The following TRIM37 variants were observed in gnomAD, a reference collection of about 807,000 sequenced individuals.
TRIM37 encodes E3 ubiquitin-protein ligase TRIM37.
In TRIM37, 80 loss-of-function variants were observed where a neutral mutation model predicts 129.8. That is an observed-to-expected ratio of 0.62 (90% CI 0.51 to 0.74). The LOEUF is 0.74. TRIM37 is among the 30% of genes least tolerant of loss of function. TRIM37 has a pLI of 0.00. For missense variants in TRIM37, 1,054 were observed against 1,176.5 expected, an observed-to-expected ratio of 0.90 and a Z score of 1.52; for synonymous variants, 389 against 387.1, an observed-to-expected ratio of 1.00 and a Z score of -0.06.
Position 59,028,622 on chromosome 17 carries a change from CG to C in TRIM37, c.2049del (p.Glu684LysfsTer5). On this transcript the variant is annotated frameshift_variant, in exon 19 of 24. Coordinates refer to ENST00000262294, the MANE Select transcript of TRIM37 (RefSeq NM_015294.6). LOFTEE classifies it high-confidence loss of function. ...KMLKRLKTQM[A>X]EVRCMKTDVK... ...ACATCAGTTTTCATACATCGAACTT[CG>C]GCCATTTGAGTTTTGAGTCTTTTTA... The C allele has an allele frequency of 1.2e-6, 2 of 1,614,204 alleles. No homozygotes were observed. The highest frequency in any genetic ancestry group is 1.7e-6 in the Non-Finnish European group (2 of 1,180,038).
intron 17 of TRIM37, among the ~76,000 whole-genome samples, chr17:59,039,433 G>A (rs1275008310): frequency 4.0e-5 from 6 of 150,406 alleles, no homozygotes; most frequent in African/African-American, 9.8e-5. Flanking sequence ...TGCAAGCTCC[G>A]CCTCCCAGGT....
intron 8 of TRIM37, among the ~76,000 whole-genome samples, 180 bp from the exon 9 acceptor site, chr17:59,071,127 C>G (rs2042324309): frequency 6.6e-6 from 1 of 152,174 alleles, no homozygotes; most frequent in South Asian, 2.1e-4. Context: ...AATATTCTAA[C>G]AGTAAAGTCA....
chr17:59,083,998 T>A lies in TRIM37; in HGVS notation c.369+4A>T. 6.2e-7 allele frequency: 1 copy of A among 1,612,920 alleles called. No individual in the cohort carries two copies. The highest frequency in any genetic ancestry group is 8.5e-7 in the Non-Finnish European group (1 of 1,179,088). ...AAAAAAAATACTGAATTTGTTCTGC[T>A]CACCATTCCTCCCCAAAGTGCACAC... On this transcript the variant is annotated splice_donor_region_variant and intron_variant, in intron 5 of 23. Coordinates refer to ENST00000262294, the MANE Select transcript of TRIM37 (RefSeq NM_015294.6).
At chr17:59,067,426 G>A (rs1568153411) in intron 9 of TRIM37, among the ~76,000 whole-genome samples, 2 of 152,112 alleles carry the variant, frequency 1.3e-5, no homozygotes, top group African/African-American at 4.8e-5. Context: ...CAGGAATCTG[G>A]AAGTCACTGA....
intron 7 of TRIM37, among the ~76,000 whole-genome samples, chr17:59,076,112 G>A (rs181739562): frequency 8.5e-5 from 13 of 152,192 alleles, no homozygotes; most frequent in Admixed American, 7.2e-4. Context: ...GCTTAAAAGA[G>A]AATACAAAGT....
At chr17:58,989,896 T>A (rs1028393452) in intron 24 of TRIM37, among the ~76,000 whole-genome samples, 2 of 151,712 alleles carry the variant, frequency 1.3e-5, no homozygotes, top group African/African-American at 4.8e-5. Flanking sequence ...TCAGAGAACA[T>A]CAAGCAAAGC....
chr17:59,043,419 A>G lies in TRIM37; in HGVS notation c.1668-1521T>C, dbSNP rs142183763. Among the ~76,000 whole-genome samples, 225 of 152,332 alleles carry G rather than the reference A, an allele frequency of 1.5e-3. 7 individuals carry two copies. The East Asian group carries it at 0.038, about 26-fold the overall frequency. On this transcript the variant is annotated intron_variant, in intron 16 of 23. Coordinates refer to ENST00000262294, the MANE Select transcript of TRIM37 (RefSeq NM_015294.6). ...CTGGGTAAGACAAGTGGGCATCTGC[A>G]GTATTTGAACCAAGATCACTCCACT... is the stretch of plus-strand genomic sequence containing the variant.
At chr17:59,089,838 C>T (rs573265139) in intron 3 of TRIM37, among the ~76,000 whole-genome samples, 8 of 152,128 alleles carry the variant, frequency 5.3e-5, no homozygotes, top group South Asian at 2.1e-4. Flanking sequence ...CAGTGGTTCA[C>T]GCTGCAATCC....
intron 13 of TRIM37, among the ~76,000 whole-genome samples, chr17:59,053,577 G>A (rs1048389735): frequency 6.6e-6 from 1 of 152,080 alleles, no homozygotes; most frequent in Non-Finnish European, 1.5e-5. Context: ...AAAAAATGAT[G>A]TCATAACAGG....
At chr17:59,023,802 C>G (rs2036899647) in intron 19 of TRIM37, among the ~76,000 whole-genome samples, 1 of 152,024 alleles carries the variant, frequency 6.6e-6, no homozygotes, top group Non-Finnish European at 1.5e-5. Flanking sequence ...GTTGAGGTAC[C>G]TGCCTAGACA....
Position 59,074,160 on chromosome 17 carries a change from A to G in TRIM37, c.684+1487T>C, listed in dbSNP as rs367810066. Among the ~76,000 whole-genome samples the G allele has an allele frequency of 2.0e-5, 3 of 152,244 alleles. No homozygotes were observed. The East Asian group carries it at 5.8e-4, about 29-fold the overall frequency. On this transcript the variant is annotated intron_variant, in intron 8 of 23. Transcript: ENST00000262294. The stretch of plus-strand genomic sequence containing the variant: ...TTTGTGCTACTACATTACAATGGCT[A>G]TGATGTCATTAGACATCACTACTAG...
chr17:59,021,238 C>CA (rs1451339958), intron 19 of TRIM37, among the ~76,000 whole-genome samples: 1 of 151,834 alleles, frequency 6.6e-6, no homozygotes, highest in Non-Finnish European at 1.5e-5. Flanking sequence ...CTAAAAAATA[C>CA]AAAAAAATTA....
chr17:59,017,529 C>T (rs192693675), intron 19 of TRIM37, 105 bp from the exon 20 acceptor site: 2 of 1,469,406 alleles, frequency 1.4e-6, no homozygotes, highest in East Asian at 4.6e-5. Context: ...GGAAGCTGTT[C>T]TCTCTACTGT....
the TRIM37 span, chr17:58,972,187 A>C: frequency 6.2e-7 from 1 of 1,614,092 alleles, no homozygotes; most frequent in Non-Finnish European, 8.5e-7. Context: ...AACATGCTAC[A>C]TGTGGCCTGG....
intron 9 of TRIM37, among the ~76,000 whole-genome samples, chr17:59,070,093 T>A (rs1012737330): frequency 6.6e-6 from 1 of 152,226 alleles, no homozygotes; most frequent in Non-Finnish European, 1.5e-5. Flanking sequence ...GGGTATGGTA[T>A]GACCCAGCAC....
chr17:59,047,049 G>A (rs931550783), intron 16 of TRIM37, among the ~76,000 whole-genome samples: 2 of 151,732 alleles, frequency 1.3e-5, no homozygotes, highest in African/African-American at 4.8e-5. Context: ...AGCTGCTCGG[G>A]AGGCTGAGGC....
chr17:59,003,874 C>G (rs1474541999), intron 22 of TRIM37, among the ~76,000 whole-genome samples: 1 of 149,630 alleles, frequency 6.7e-6, no homozygotes, highest in East Asian at 2.0e-4. Context: ...TCGCTTGAGC[C>G]CAGGAGTTTG....
At chr17:59,083,107 C>A (rs1215557784) in intron 5 of TRIM37, among the ~76,000 whole-genome samples, 1 of 152,064 alleles carries the variant, frequency 6.6e-6, no homozygotes, top group Non-Finnish European at 1.5e-5. Flanking sequence ...CTATTTATGC[C>A]AATTGTACTT....
chr17:59,073,693 G>C (rs1187883592), intron 8 of TRIM37, among the ~76,000 whole-genome samples: 2 of 152,188 alleles, frequency 1.3e-5, no homozygotes, highest in East Asian at 3.8e-4. Context: ...TTGAATTCCT[G>C]GGCTGAGGCA....
Sources: allele counts gnomAD v4.1 joint callset (sites outside exome capture counted in the v4.1 genomes callset), GRCh38; gene constraint gnomAD v4.1.1; transcripts MANE v1.5; gene names NCBI Gene and HGNC (gene_info 2026-07-23, HGNC 2026-07-21).